Variants in APOO observed in about 807,000 individuals in gnomAD.
APOO encodes apolipoprotein O.
APOO carries 11 observed loss-of-function variants against 23.1 expected under a neutral mutation model. That is an observed-to-expected ratio of 0.48 (90% CI 0.30 to 0.79). The LOEUF is 0.79. Ranked by LOEUF, APOO falls within the 30% of genes least tolerant of loss-of-function variation. APOO has a pLI of 0.07. For synonymous variants in APOO, 59 were observed against 54.8 expected (o/e 1.08, Z -0.34); for missense variants, 160 against 142.7 (o/e 1.12, Z -0.62).
At chrX:23,859,446 C>CT (rs34998705) in intron 5 of APOO, among the ~76,000 whole-genome samples, 32 of 97,392 alleles carry the variant, frequency 3.3e-4, no homozygotes, top group East Asian at 6.4e-4. Flanking sequence ...CTGGATATTT[C>CT]TTTTTTTTTT....
At chrX:23,901,289 C>A (rs1381491625) in intron 1 of APOO, among the ~76,000 whole-genome samples, 1 of 111,879 alleles carries the variant, frequency 8.9e-6, no homozygotes, top group East Asian at 2.8e-4. Context: ...AGGCCACCTT[C>A]TTGCCCTGGA....
chrX:23,894,138 ATTTAT>A (rs954727696), intron 1 of APOO, among the ~76,000 whole-genome samples: 63 of 110,213 alleles, frequency 5.7e-4, no homozygotes, highest in African/African-American at 1.9e-3. Context: ...ATTTTTTAAA[ATTTAT>A]TTTATTATTA....
chrX:23,860,548 G>A (rs1289863872), intron 5 of APOO, among the ~76,000 whole-genome samples: 4 of 109,037 alleles, frequency 3.7e-5, no homozygotes, highest in African/African-American at 1.3e-4. Context: ...GGCCTCACTC[G>A]GTCTCCCAGG....
intron 7 of APOO, 91 bp from the exon 8 acceptor site, chrX:23,840,468 T>TA: frequency 1.2e-6 from 1 of 817,195 alleles, no homozygotes; most frequent in South Asian, 3.0e-5. Context: ...ACATGAACAT[T>TA]AAAAATTATT....
At chrX:23,890,148 A>T (rs1367688010) in intron 1 of APOO, among the ~76,000 whole-genome samples, 1 of 112,236 alleles carries the variant, frequency 8.9e-6, no homozygotes, top group Non-Finnish European at 1.9e-5. Context: ...ACATACTTTT[A>T]AAAACATTTG....
At chrX:23,853,313 A>AAATCT (rs1487536360) in intron 7 of APOO, among the ~76,000 whole-genome samples, 16 of 107,693 alleles carry the variant, frequency 1.5e-4, no homozygotes, top group African/African-American at 5.8e-4. Flanking sequence ...GAAGCCCATG[A>AAATCT]AATCTAAAGT....
intron 1 of APOO, among the ~76,000 whole-genome samples, chrX:23,905,547 A>G (rs1193145257): frequency 9.0e-6 from 1 of 110,795 alleles, no homozygotes; most frequent in Non-Finnish European, 1.9e-5. Flanking sequence ...ACCTGTCTCA[A>G]AACTAAATTT....
intron 7 of APOO, 22 bp from the exon 8 acceptor site, chrX:23,840,399 C>G (rs1002317104): frequency 1.7e-6 from 2 of 1,185,242 alleles, no homozygotes; most frequent in Admixed American, 4.6e-5. Context: ...AAAGAAAGAG[C>G]TTGAATGCAG....
intron 7 of APOO, among the ~76,000 whole-genome samples, chrX:23,844,214 T>A (rs912749421): frequency 8.9e-6 from 1 of 111,930 alleles, no homozygotes; most frequent in Non-Finnish European, 1.9e-5. Flanking sequence ...GGCAGGCCAC[T>A]TTATTTTTTG....
intron 1 of APOO, among the ~76,000 whole-genome samples, chrX:23,881,563 TAAAAAAAA>T (rs60466764): frequency 3.3e-4 from 3 of 9,174 alleles, no homozygotes; most frequent in Admixed American, 2.5e-3. Flanking sequence ...ATCGCTCCAC[TAAAAAAAA>T]AAAAAAAAAA....
intron 8 of APOO, 41 bp downstream of exon 8, chrX:23,840,272 T>C (rs887950482): frequency 1.5e-5 from 14 of 909,861 alleles, no homozygotes; most frequent in African/African-American, 2.1e-5. Flanking sequence ...CAGCTGGCAC[T>C]ACAATGCTGA....
intron 1 of APOO, among the ~76,000 whole-genome samples, chrX:23,903,693 A>G (rs1282280132): frequency 8.9e-6 from 1 of 112,149 alleles, no homozygotes. Flanking sequence ...ATAAAGAACA[A>G]CCCCATTTTC....
intron 5 of APOO, among the ~76,000 whole-genome samples, chrX:23,859,641 C>T (rs1924930582): frequency 9.0e-6 from 1 of 111,256 alleles, no homozygotes; most frequent in East Asian, 2.8e-4. Context: ...TGGGGTTTCG[C>T]CATGCTGGCC....
intron 1 of APOO, among the ~76,000 whole-genome samples, chrX:23,901,784 A>G (rs1023996498): frequency 8.9e-6 from 1 of 111,972 alleles, no homozygotes; most frequent in Non-Finnish European, 1.9e-5. Flanking sequence ...AATCCACACA[A>G]TAATTTGAGG....
At chrX:23,853,128 T>G (rs1357361856) in intron 7 of APOO, among the ~76,000 whole-genome samples, 2 of 110,561 alleles carry the variant, frequency 1.8e-5, no homozygotes, top group East Asian at 5.7e-4. Flanking sequence ...TGTTGTGGTG[T>G]GCGCCTGTAG....
At position 23,838,654 on chromosome X, in the gene APOO, G is replaced by A. The variant is rs1189420960; in HGVS notation, c.*29+1659C>T. Among the ~76,000 whole-genome samples, 3 of 109,217 alleles carry A rather than the reference G, an allele frequency of 2.7e-5. 1 individual carries two copies. The highest frequency in any genetic ancestry group is 4.8e-3 in the Middle Eastern group (1 of 209). 94.8% of individuals were successfully genotyped at this position (109,217 alleles called of 115,157 possible). A position where few individuals can be genotyped will look rare whatever the true frequency, so the allele number is the denominator to read the frequency against. On this transcript the variant is annotated intron_variant, in intron 8 of 8. Coordinates refer to ENST00000379226, the MANE Select transcript of APOO (RefSeq NM_024122.5). ...AGGGTGGTCTCGATCTCTCGACCTC[G>A]TGATCTGCCCACCTTGGCCTCCCAA... is the stretch of plus-strand genomic sequence containing the variant.
At chrX:23,876,250 G>A (rs898108604) in intron 3 of APOO, among the ~76,000 whole-genome samples, 1 of 109,075 alleles carries the variant, frequency 9.2e-6, no homozygotes. Context: ...GGGACAGAGC[G>A]AGACTCCGTC....
intron 2 of APOO, 33 bp from the exon 3 acceptor site, chrX:23,879,067 A>C (rs1429556122): frequency 1.7e-6 from 2 of 1,192,261 alleles, no homozygotes; most frequent in South Asian, 3.6e-5. Context: ...AAGATTTAAA[A>C]GATGTACTGT....
chrX:23,898,795 C>T (rs1397529912), intron 1 of APOO, among the ~76,000 whole-genome samples: 2 of 111,813 alleles, frequency 1.8e-5, no homozygotes, highest in Admixed American at 9.6e-5. Flanking sequence ...CTTACTCACT[C>T]ACCAGTCTAA....
Sources: allele counts gnomAD v4.1 joint callset (sites outside exome capture counted in the v4.1 genomes callset), GRCh38; gene constraint gnomAD v4.1.1; transcripts MANE v1.5; gene names NCBI Gene and HGNC (gene_info 2026-07-23, HGNC 2026-07-21).